Variants in SUCO observed in about 807,000 individuals in gnomAD.
SUCO encodes SUN domain containing ossification factor, also known as SUN domain-containing ossification factor.
Under a neutral mutation model 148.1 loss-of-function variants are expected in SUCO, and 57 were observed. That is an observed-to-expected ratio of 0.38 (90% confidence interval 0.31 to 0.48). The LOEUF (loss-of-function observed/expected upper bound fraction) is 0.48. SUCO is among the 20% of genes least tolerant of loss of function. SUCO has a pLI of 0.96. For missense variants in SUCO, 1,331 were observed against 1,468.2 expected, an observed-to-expected ratio of 0.91 and a Z score of 1.53; for synonymous variants, 470 against 502.7, an observed-to-expected ratio of 0.93 and a Z score of 0.87.
Position 172,602,798 on chromosome 1 carries a change from G to A in SUCO, c.3265+11G>A, listed in dbSNP as rs1314467739. ...TAACTGGCAAAGAAGGTAGATTTCT[G>A]TGGATATATAATATGTATATATAAA... On this transcript the variant is annotated intron_variant, in intron 22 of 23. Transcript: ENST00000263688. 1 of 1,590,934 alleles carries A rather than the reference G, an allele frequency of 6.3e-7. No individual in the cohort carries two copies. The highest frequency in any genetic ancestry group is 1.3e-5 in the African/African-American group (1 of 74,572).
At chr1:172,577,622 A>G in intron 12 of SUCO, 63 bp downstream of exon 12, 1 of 1,594,692 alleles carries the variant, frequency 6.3e-7, no homozygotes, top group Non-Finnish European at 8.5e-7. Flanking sequence ...GCATTACAAA[A>G]ACTTTACAAG....
rs757408631 is a variant in SUCO at position 172,589,725 on chromosome 1, C to A, written c.2624C>A (p.Ala875Asp). 6.2e-7 allele frequency: 1 copy of A among 1,613,350 alleles called. No individual in the cohort carries two copies. The highest frequency in any genetic ancestry group is 1.1e-5 in the South Asian group (1 of 91,036). The change falls in exon 18 of 24, where the codon GCC becomes GAC. Residue 875 changes from alanine (A) to aspartate (D), a missense_variant. Ala to Asp is a moderately radical substitution (Grantham distance 126, BLOSUM62 -2). This residue lies in a region of SUCO where 992 missense variants were observed against 1,093.5 expected (regional missense o/e 0.91). Transcript: ENST00000263688. ...VKEEEQSPEDALLRGLQRTAT... is the reference protein window; with the variant it reads ...VKEEEQSPEDDLLRGLQRTAT... Reference sequence around the variant, plus strand: ...GAAGAAGAACAGTCTCCAGAAGATGCCCTTTTGAGAGGGTTACAGAGGACA... The same window carrying A: ...GAAGAAGAACAGTCTCCAGAAGATGACCTTTTGAGAGGGTTACAGAGGACA...
chr1:172,600,696 ATGTG>A (rs61681764), intron 20 of SUCO, among the ~76,000 whole-genome samples: 4,008 of 149,024 alleles, frequency 0.027, 142 homozygotes, highest in African/African-American at 0.09. Flanking sequence ...AGAAAATTAA[ATGTG>A]TGTGTGTGTG....
chr1:172,546,631 A>G (rs1652880744), intron 1 of SUCO, among the ~76,000 whole-genome samples: 1 of 152,216 alleles, frequency 6.6e-6, no homozygotes, highest in Non-Finnish European at 1.5e-5. Flanking sequence ...TGTATAGGCC[A>G]GGCACAGTGG....
intron 2 of SUCO, 128 bp from the exon 3 acceptor site, chr1:172,553,132 T>C: frequency 9.8e-7 from 1 of 1,017,338 alleles, no homozygotes; most frequent in South Asian, 2.4e-5. Context: ...CAAATGAAAT[T>C]AATTAGAGTC....
At chr1:172,563,063 G>A (rs1654302321) in intron 6 of SUCO, among the ~76,000 whole-genome samples, 1 of 152,000 alleles carries the variant, frequency 6.6e-6, no homozygotes. Flanking sequence ...CCCTAACCAT[G>A]CTTCCTGTAC....
At chr1:172,574,228 A>G (rs1655258095) in intron 10 of SUCO, among the ~76,000 whole-genome samples, 1 of 152,062 alleles carries the variant, frequency 6.6e-6, no homozygotes, top group Non-Finnish European at 1.5e-5. Flanking sequence ...ATTCTCTTAT[A>G]ATGTGGGGAA....
intron 16 of SUCO, 46 bp from the exon 17 acceptor site, chr1:172,585,812 C>A: frequency 7.6e-7 from 1 of 1,320,652 alleles, no homozygotes; most frequent in African/African-American, 1.5e-5. Flanking sequence ...TTTCATGGTA[C>A]AGCTTTTAAA....
At chr1:172,581,669 T>C (rs1245586785) in intron 15 of SUCO, among the ~76,000 whole-genome samples, 1 of 152,210 alleles carries the variant, frequency 6.6e-6, no homozygotes, top group Non-Finnish European at 1.5e-5. Flanking sequence ...TAATCATCAC[T>C]GCTTTCTAAA....
rs1341139544 is a variant in SUCO, at chr1:172,578,464, A to G, written c.1432+75A>G. 17 of 1,474,088 alleles carry G rather than the reference A, an allele frequency of 1.2e-5. No individual in the cohort carries two copies. In the East Asian group the frequency reaches 3.4e-4, roughly 29 times the overall value. 91.3% of individuals were successfully genotyped at this position (1,474,088 alleles called of 1,614,324 possible). On this transcript the variant is annotated intron_variant, in intron 14 of 23. Transcript: ENST00000263688. ...AAAAATCGAATAGTAATGGGGGAGT[A>G]TAGCTTACTTAAATCAATATGACTG...
intron 2 of SUCO, chr1:172,552,744 A>G (rs748646237): frequency 8.4e-5 from 47 of 557,164 alleles, no homozygotes; most frequent in Non-Finnish European, 1.0e-4. Context: ...AACAAATGTC[A>G]TAAAAGTGAA....
At chr1:172,600,254 T>G in intron 20 of SUCO, 86 bp downstream of exon 20, 1 of 954,464 alleles carries the variant, frequency 1.0e-6, no homozygotes, top group Non-Finnish European at 1.6e-6. Flanking sequence ...ACATGGTACC[T>G]AAAACTTTGA....
chr1:172,606,125 TTTGTA>T (rs1413113730), intron 22 of SUCO, among the ~76,000 whole-genome samples: 1 of 151,628 alleles, frequency 6.6e-6, no homozygotes, highest in East Asian at 1.9e-4. Flanking sequence ...GTGTGTGAAT[TTTGTA>T]TTGTATATAT....
intron 15 of SUCO, 45 bp from the exon 16 acceptor site, chr1:172,584,973 A>C (rs772888066): frequency 8.2e-7 from 1 of 1,225,480 alleles, no homozygotes; most frequent in Non-Finnish European, 1.2e-6. Context: ...TTTATATTAG[A>C]ATATTTAGGT....
intron 20 of SUCO, among the ~76,000 whole-genome samples, chr1:172,600,695 AATGT>A (rs946836130): frequency 8.5e-5 from 7 of 81,990 alleles, no homozygotes; most frequent in African/African-American, 5.0e-4. Flanking sequence ...AAGAAAATTA[AATGT>A]GTGTGTGTGT....
rs78601165 is a variant in SUCO, at chr1:172,581,910, C to T, written c.1498+2643C>T. 9.6e-3 allele frequency among the ~76,000 whole-genome samples: 1,456 copies of T among 152,260 alleles called. 26 individuals carry two copies. Among genetic ancestry groups the T allele is most frequent in the African/African-American group, 0.033 (1,389 of 41,542 alleles). On this transcript the variant is annotated intron_variant, in intron 15 of 23. Coordinates refer to ENST00000263688, the MANE Select transcript of SUCO (RefSeq NM_014283.5). Reference sequence around the variant, plus strand: ...AACATTCTTGATATTATATAATTTACTTAACTACTAAAAAGGGAGAAGCTG... The same window carrying T: ...AACATTCTTGATATTATATAATTTATTTAACTACTAAAAAGGGAGAAGCTG...
chr1:172,549,323 A>T (rs1473860317), intron 1 of SUCO, among the ~76,000 whole-genome samples: 1 of 151,814 alleles, frequency 6.6e-6, no homozygotes, highest in Admixed American at 6.6e-5. Flanking sequence ...AGCCAAGCCT[A>T]ATAATTGCAG....
intron 3 of SUCO, among the ~76,000 whole-genome samples, chr1:172,554,348 C>T (rs1409723800): frequency 6.6e-6 from 1 of 152,146 alleles, no homozygotes; most frequent in Non-Finnish European, 1.5e-5. Flanking sequence ...CGAGTGCTTA[C>T]CATGTCTTGT....
chr1:172,610,278 T>C lies in SUCO; in HGVS notation c.*19T>C, dbSNP rs1558220555. 6.4e-7 allele frequency: 1 copy of C among 1,552,916 alleles called. No individual in the cohort carries two copies. The highest frequency in any genetic ancestry group is 8.7e-7 in the Non-Finnish European group (1 of 1,154,712). Reference sequence around the variant, plus strand: ...TATCTAAAATTAATTGAACTTTTCATACAGAAGACTTTTTTGTTGTTGTTC... The same window carrying C: ...TATCTAAAATTAATTGAACTTTTCACACAGAAGACTTTTTTGTTGTTGTTC... On this transcript the variant is annotated 3_prime_UTR_variant, in exon 24 of 24. Transcript: ENST00000263688.
Sources: gnomAD v4.1 joint callset for allele counts (sites outside exome capture counted in the v4.1 genomes callset) on GRCh38, gnomAD v4.1.1 for gene constraint, gnomAD v4.1.1 regional missense constraint, MANE v1.5 for transcripts, NCBI Gene and HGNC (gene_info 2026-07-23, HGNC 2026-07-21) for gene names.